Variants in SETD9 observed in about 807,000 individuals in gnomAD.
The protein encoded by SETD9 is SET domain containing 9.
Under a neutral mutation model 36.4 loss-of-function variants are expected in SETD9, and 37 were observed. That is an observed-to-expected ratio of 1.02 (90% CI 0.78 to 1.34). The LOEUF (loss-of-function observed/expected upper bound fraction) is 1.34. Among genes scored for constraint, SETD9 ranks in the 40% most tolerant of loss-of-function variants. The pLI, the probability that SETD9 is intolerant of heterozygous loss-of-function variation, is 0.00. For missense variants in SETD9, 323 were observed against 353.2 expected (o/e 0.91, Z 0.69); for synonymous variants, 128 against 132.9 (o/e 0.96, Z 0.26).
At chr5:56,923,561 A>G in intron 5 of SETD9, 1 of 1,613,938 alleles carries the variant, frequency 6.2e-7, no homozygotes, top group Non-Finnish European at 8.5e-7. Context: ...GGGGTCGCAG[A>G]CGGTTGCTAC....
chr5:56,911,479 G>A lies in SETD9; in HGVS notation c.409G>A (p.Gly137Ser). ...ATSSLISAGK[G>S]VFVTKGLVPK... ...TAGCTCATTGATTTCTGCTGGAAAA[G>A]GTGTCTTCGTTACTAAAGGATTGGT... The change falls in exon 2 of 6, where the codon GGT (glycine) becomes AGT (serine). Residue 137 changes from glycine (G) to serine (S), a missense_variant. Physicochemically the swap from Gly to Ser is moderately conservative, Grantham distance 56. Transcript: ENST00000285947. 6.2e-7 allele frequency: 1 copy of A among 1,605,222 alleles called. No homozygotes were observed. Among genetic ancestry groups the A allele is most frequent in the East Asian group, 2.2e-5 (1 of 44,838 alleles).
downstream of SETD9, chr5:56,921,652 A>G (rs1749679443): frequency 6.6e-6 from 1 of 152,656 alleles, no homozygotes; most frequent in South Asian, 2.1e-4. Context: ...TAAGATCACT[A>G]CATCCTATCT....
At chr5:56,914,133 T>TGAGG in intron 4 of SETD9, 144 bp downstream of exon 4, 3 of 519,080 alleles carry the variant, frequency 5.8e-6, no homozygotes, top group Non-Finnish European at 6.9e-6. Context: ...TTTTGGGGGA[T>TGAGG]GATATTAGAG....
chr5:56,911,580 A>G (rs1298719421), intron 2 of SETD9, 44 bp downstream of exon 2: 4 of 1,481,204 alleles, frequency 2.7e-6, no homozygotes, highest in Non-Finnish European at 3.6e-6. Flanking sequence ...CTTCTTACGT[A>G]TTGATAAACA....
At chr5:56,920,274 T>A (rs750736982), downstream of SETD9, 1 of 152,536 alleles carries the variant, frequency 6.6e-6, no homozygotes, top group African/African-American at 2.4e-5. Context: ...AAAGCTAGCA[T>A]GAAAAAGATG....
At chr5:56,920,921 A>C (rs1013869969), downstream of SETD9, 5 of 152,668 alleles carry the variant, frequency 3.3e-5, no homozygotes, top group East Asian at 3.9e-4. Flanking sequence ...GACATTTAAA[A>C]ATCTATTAAA....
intron 5 of SETD9, chr5:56,923,393 G>A (rs201737935): frequency 7.4e-6 from 12 of 1,614,138 alleles, no homozygotes; most frequent in Non-Finnish European, 1.0e-5. Flanking sequence ...GTTTAGCTCC[G>A]AGTGATAAAA....
intron 5 of SETD9, 152 bp from the exon 6 acceptor site, chr5:56,916,663 A>C (rs1017823000): frequency 1.5e-6 from 1 of 684,366 alleles, no homozygotes; most frequent in Non-Finnish European, 2.4e-6. Context: ...TGCATCAGGA[A>C]TAAGAACTAT....
intron 5 of SETD9, 122 bp downstream of exon 5, chr5:56,915,088 AT>A: frequency 1.8e-6 from 1 of 555,648 alleles, no homozygotes; most frequent in Non-Finnish European, 2.9e-6. Flanking sequence ...TATAACTCAG[AT>A]TTTTATGTTC....
intron 5 of SETD9, among the ~76,000 whole-genome samples, chr5:56,915,955 C>T (rs929108728): frequency 6.6e-6 from 1 of 151,976 alleles, no homozygotes; most frequent in Non-Finnish European, 1.5e-5. Context: ...GAGCCAGATC[C>T]TGTCCCAAAA....
In SETD9 at chr5:56,909,710, C is replaced by T. The variant is rs759732344; in HGVS notation, c.65C>T (p.Pro22Leu). ...RWRRYKYRFV[P>L]WIALNLSHNP... The stretch of plus-strand genomic sequence containing the variant: ...CGCCGTTACAAGTACCGCTTCGTTC[C>T]CTGGATCGCACTGAACCTAAGCCAC... The change falls in exon 1 of 6, where the codon CCC becomes CTC. Residue 22 changes from proline (P) to leucine (L), a missense_variant. Transcript: ENST00000285947. 6.8e-6 allele frequency: 11 copies of T among 1,611,304 alleles called. No individual in the cohort carries two copies. The African/African-American group carries it at 1.3e-4, about 20-fold the overall frequency.
chr5:56,920,593 C>A (rs1252407246), downstream of SETD9: 1 of 151,968 alleles, frequency 6.6e-6, no homozygotes, highest in African/African-American at 2.4e-5. Context: ...TAAACAGTAA[C>A]AAATTCTCTG....
downstream of SETD9, among the ~76,000 whole-genome samples, chr5:56,917,807 G>A (rs78478687): frequency 4.4e-3 from 666 of 152,254 alleles, 4 homozygotes; most frequent in African/African-American, 0.013. Flanking sequence ...CTACCTTCCC[G>A]TTTTATTAGC....
In SETD9 at chr5:56,915,526, TAA is replaced by T. The variant is rs1245398392; in HGVS notation, c.812+561_812+562del. 2.6e-5 allele frequency among the ~76,000 whole-genome samples: 4 copies of T among 152,254 alleles called. No homozygotes were observed. In the East Asian group the frequency reaches 7.7e-4, roughly 29 times the overall value. On this transcript the variant is annotated intron_variant, in intron 5 of 5. Transcript: ENST00000285947. ...TAAAATATAGGTAATTCTGGAGAGC[TAA>T]GAGTTCTTTCTTAACAGTGCTGTAG...
chr5:56,916,358 C>T (rs756399896), intron 5 of SETD9, among the ~76,000 whole-genome samples: 1 of 152,126 alleles, frequency 6.6e-6, no homozygotes, highest in Non-Finnish European at 1.5e-5. Context: ...CACCACTGCA[C>T]ACCAGCCTGG....
chr5:56,923,847 C>T (rs1269654448), intron 5 of SETD9: 1 of 1,613,950 alleles, frequency 6.2e-7, no homozygotes, highest in Middle Eastern at 1.6e-4. Context: ...AAAAACACAC[C>T]CCAGTAATTT....
upstream of SETD9, chr5:56,909,571 T>G: frequency 8.0e-7 from 1 of 1,248,690 alleles, no homozygotes; most frequent in Non-Finnish European, 1.1e-6. Flanking sequence ...CCCCCTCTCC[T>G]CCCGGGCCGG....
intron 2 of SETD9, 141 bp from the exon 3 acceptor site, chr5:56,912,870 C>T (rs1749217520): frequency 1.3e-6 from 1 of 772,606 alleles, no homozygotes; most frequent in Non-Finnish European, 2.1e-6. Context: ...GTTCTGTGCT[C>T]CATCTGCTAT....
At chr5:56,924,631 C>T (rs1365806392) in intron 5 of SETD9, among the ~76,000 whole-genome samples, 2 of 152,174 alleles carry the variant, frequency 1.3e-5, no homozygotes, top group African/African-American at 4.8e-5. Flanking sequence ...TTTCTCCCTC[C>T]AGTATGTTTG....
Sources: allele counts gnomAD v4.1 joint callset (sites outside exome capture counted in the v4.1 genomes callset), GRCh38; gene constraint gnomAD v4.1.1; transcripts MANE v1.5; gene names NCBI Gene and HGNC (gene_info 2026-07-23, HGNC 2026-07-21).